The following FYB1 variants were observed in gnomAD, a reference collection of about 807,000 sequenced individuals.
FYB1 encodes FYN-binding protein 1.
FYB1 carries 41 observed loss-of-function variants against 94.1 expected under a neutral mutation model. That is an observed-to-expected ratio of 0.44 (90% CI 0.34 to 0.57). The LOEUF (loss-of-function observed/expected upper bound fraction) is 0.57. Ranked by LOEUF, FYB1 falls within the 20% of genes least tolerant of loss-of-function variation. FYB1 has a pLI of 0.02. For synonymous variants in FYB1, 367 were observed against 353.2 expected, an observed-to-expected ratio of 1.04 and a Z score of -0.44; for missense variants, 1,050 against 976.8, an observed-to-expected ratio of 1.07 and a Z score of -1.00.
chr5:39,133,797 G>A (rs975337344), intron 9 of FYB1, among the ~76,000 whole-genome samples: 2 of 151,750 alleles, frequency 1.3e-5, no homozygotes, highest in Non-Finnish European at 2.9e-5. Context: ...ATTTTTTGTC[G>A]TATTTTCAAA....
chr5:39,244,242 A>C (rs962549592), intron 1 of FYB1, among the ~76,000 whole-genome samples: 8 of 152,122 alleles, frequency 5.3e-5, no homozygotes, highest in Non-Finnish European at 1.2e-4. Flanking sequence ...GAATGCTTCC[A>C]GTTTTTGCCC....
At chr5:39,174,400 G>T (rs947151960) in intron 2 of FYB1, among the ~76,000 whole-genome samples, 5 of 152,170 alleles carry the variant, frequency 3.3e-5, no homozygotes, top group Non-Finnish European at 7.4e-5. Flanking sequence ...GAAAGTCTTT[G>T]AATTTACTGT....
intron 13 of FYB1, among the ~76,000 whole-genome samples, chr5:39,122,742 A>T (rs1423118663): frequency 6.6e-6 from 1 of 152,154 alleles, no homozygotes; most frequent in African/African-American, 2.4e-5. Flanking sequence ...AATCAACATT[A>T]CTGGCCACTG....
At chr5:39,265,019 C>T (rs953881598) in intron 1 of FYB1, among the ~76,000 whole-genome samples, 3 of 151,840 alleles carry the variant, frequency 2.0e-5, no homozygotes, top group African/African-American at 7.3e-5. Context: ...GCAGCGTCAG[C>T]CTCATCTGAG....
chr5:39,222,708 C>T (rs1750320847), upstream of FYB1, among the ~76,000 whole-genome samples: 1 of 152,024 alleles, frequency 6.6e-6, no homozygotes, highest in Admixed American at 6.6e-5. Context: ...CCGAAATAAG[C>T]GGAAGTATAG....
intron 1 of FYB1, among the ~76,000 whole-genome samples, chr5:39,210,391 ATCCT>A (rs1242343049): frequency 6.6e-6 from 1 of 152,210 alleles, no homozygotes; most frequent in East Asian, 1.9e-4. Context: ...GATGATCCGG[ATCCT>A]TCTCCTGTTT....
intron 17 of FYB1, among the ~76,000 whole-genome samples, chr5:39,108,541 A>G (rs755181420): frequency 1.5e-4 from 23 of 152,086 alleles, no homozygotes; most frequent in Non-Finnish European, 2.5e-4. Context: ...TTTGTTAACA[A>G]TGTACTAAAC....
intron 1 of FYB1, among the ~76,000 whole-genome samples, chr5:39,231,096 T>A (rs1579744536): frequency 1.3e-5 from 2 of 149,272 alleles, no homozygotes; most frequent in South Asian, 4.2e-4. Flanking sequence ...TCAAGACATA[T>A]TTATTCCAGG....
intron 2 of FYB1, among the ~76,000 whole-genome samples, chr5:39,182,257 T>G (rs1746309971): frequency 6.7e-6 from 1 of 148,994 alleles, no homozygotes; most frequent in South Asian, 2.1e-4. Context: ...AGGTGGCACA[T>G]ACAAATGCTT....
chr5:39,135,323 TTATGTACAACAATC>T (rs2150318758), intron 7 of FYB1, among the ~76,000 whole-genome samples: 1 of 152,330 alleles, frequency 6.6e-6, no homozygotes, highest in Admixed American at 6.5e-5. Flanking sequence ...TGAACAGCGT[TTATGTACAACAATC>T]CATGCTGTGT....
chr5:39,143,322 CTTTG>C (rs1218655719), intron 3 of FYB1, among the ~76,000 whole-genome samples: 1 of 152,172 alleles, frequency 6.6e-6, no homozygotes, highest in Non-Finnish European at 1.5e-5. Flanking sequence ...GCAACTCATC[CTTTG>C]TTTGTCACTC....
At chr5:39,247,800 G>A (rs539196960) in intron 1 of FYB1, among the ~76,000 whole-genome samples, 4 of 151,736 alleles carry the variant, frequency 2.6e-5, no homozygotes, top group Admixed American at 6.6e-5. Flanking sequence ...GCACCATAGT[G>A]TGCTTTTAGA....
intron 1 of FYB1, among the ~76,000 whole-genome samples, chr5:39,271,895 G>T (rs774757222): frequency 2.0e-5 from 3 of 152,148 alleles, no homozygotes; most frequent in Admixed American, 1.3e-4. Context: ...CAAGAGCGAG[G>T]TATGGGACCC....
At chr5:39,174,212 T>C (rs994898368) in intron 2 of FYB1, among the ~76,000 whole-genome samples, 1 of 152,202 alleles carries the variant, frequency 6.6e-6, no homozygotes, top group Admixed American at 6.5e-5. Context: ...TTGTAGCTAT[T>C]GTAAATGGGA....
At chr5:39,153,962 T>G (rs1352520518) in intron 2 of FYB1, among the ~76,000 whole-genome samples, 2 of 152,170 alleles carry the variant, frequency 1.3e-5, no homozygotes, top group Non-Finnish European at 2.9e-5. Context: ...AATGTTATAC[T>G]TTTTGTAGAG....
intron 9 of FYB1, 98 bp downstream of exon 9, chr5:39,134,110 A>G (rs988346967): frequency 1.2e-6 from 1 of 815,784 alleles, no homozygotes; most frequent in African/African-American, 1.7e-5. Flanking sequence ...GATAGAGAGC[A>G]GTAGGAGTTA....
rs3085950 is a variant in FYB1 at position 39,247,071 on chromosome 5, CATATATATATATATATATAT to C, written c.-28+27312_-28+27331del. On this transcript the variant is annotated intron_variant, in intron 1 of 1. Transcript: ENST00000510188. ...ATGGTGCACACACAAAATGCGTGTTCATATATATATATATATATATATATATATATATATATATATATATG... is the reference window on the plus strand; with the variant it reads ...ATGGTGCACACACAAAATGCGTGTTCATATATATATATATATATATATATG... Among the ~76,000 whole-genome samples the C allele has an allele frequency of 1.6e-3, 102 of 65,620 alleles. 1 individual carries two copies. Among genetic ancestry groups the C allele is most frequent in the Admixed American group, 3.1e-3 (16 of 5,136 alleles). The allele number at this position is 65,620 out of a possible 152,430, so 43.0% of individuals were successfully genotyped here. A position where few individuals can be genotyped will look rare whatever the true frequency, so the allele number is the denominator to read the frequency against.
At chr5:39,264,051 G>T (rs4957427) in intron 1 of FYB1, among the ~76,000 whole-genome samples, 15,888 of 152,148 alleles carry the variant, frequency 0.1, 993 homozygotes, top group African/African-American at 0.17. Flanking sequence ...GTGCTTGGAT[G>T]TAAGGACAGA....
intron 2 of FYB1, among the ~76,000 whole-genome samples, chr5:39,181,189 G>A (rs1408629263): frequency 6.6e-6 from 1 of 152,180 alleles, no homozygotes; most frequent in African/African-American, 2.4e-5. Flanking sequence ...AGTTTTAGAG[G>A]TGTGAGAATT....
Sources: gnomAD v4.1 joint callset for allele counts (sites outside exome capture counted in the v4.1 genomes callset) on GRCh38, gnomAD v4.1.1 for gene constraint, MANE v1.5 for transcripts, NCBI Gene and HGNC (gene_info 2026-07-23, HGNC 2026-07-21) for gene names.